Variants in PDSS2 observed in about 807,000 individuals in gnomAD.
PDSS2 encodes the protein all trans-polyprenyl-diphosphate synthase PDSS2.
Under a neutral mutation model 44.5 loss-of-function variants are expected in PDSS2, and 31 were observed. The ratio of observed to expected loss-of-function variants is 0.70; its 90% confidence interval spans 0.52 to 0.94. The LOEUF (loss-of-function observed/expected upper bound fraction) is 0.94, where lower values mean the gene tolerates loss of function less well. Among genes scored for constraint, PDSS2 ranks in the 40% least tolerant of loss-of-function variants. PDSS2 has a pLI of 0.00. For synonymous variants in PDSS2, 157 were observed against 180.3 expected, an observed-to-expected ratio of 0.87 and a Z score of 1.03; for missense variants, 452 against 482.2, an observed-to-expected ratio of 0.94 and a Z score of 0.59.
At chr6:107,221,655 T>C (rs931147512) in intron 4 of PDSS2, among the ~76,000 whole-genome samples, 39 of 152,162 alleles carry the variant, frequency 2.6e-4, no homozygotes, top group Admixed American at 2.3e-3. Flanking sequence ...CTTGAGATAG[T>C]GGTACTGGTG....
chr6:107,264,140 A>G, intron 3 of PDSS2: 1 of 587,846 alleles, frequency 1.7e-6, no homozygotes. Context: ...TCAATTTAAC[A>G]TGAATTTGGA....
chr6:107,402,105 C>A (rs1185337892), intron 1 of PDSS2, among the ~76,000 whole-genome samples: 1 of 151,846 alleles, frequency 6.6e-6, no homozygotes, highest in African/African-American at 2.4e-5. Flanking sequence ...ATGATGAAAC[C>A]CCATCTCTAC....
chr6:107,423,312 AATG>A (rs1173698666), intron 1 of PDSS2, among the ~76,000 whole-genome samples: 5 of 152,220 alleles, frequency 3.3e-5, no homozygotes, highest in Non-Finnish European at 7.4e-5. Context: ...AAATGACAAG[AATG>A]ATAATAATAT....
intron 2 of PDSS2, among the ~76,000 whole-genome samples, chr6:107,329,482 G>A (rs1777647115): frequency 6.6e-6 from 1 of 152,070 alleles, no homozygotes; most frequent in African/African-American, 2.4e-5. Context: ...GTAGATGGCT[G>A]CCTTCAGTTC....
intron 2 of PDSS2, among the ~76,000 whole-genome samples, chr6:107,283,475 C>T (rs1776039821): frequency 6.6e-6 from 1 of 152,038 alleles, no homozygotes; most frequent in Non-Finnish European, 1.5e-5. Context: ...AATTCCAGTA[C>T]TTTGGGAGGC....
chr6:107,442,632 C>T (rs1247427456), intron 1 of PDSS2, among the ~76,000 whole-genome samples: 1 of 152,162 alleles, frequency 6.6e-6, no homozygotes, highest in Non-Finnish European at 1.5e-5. Flanking sequence ...GACATTTCCA[C>T]TTGCTGCAAA....
At chr6:107,377,421 T>C (rs1280423824) in intron 1 of PDSS2, among the ~76,000 whole-genome samples, 8 of 152,134 alleles carry the variant, frequency 5.3e-5, no homozygotes, top group East Asian at 1.9e-4. Context: ...AACAGGAACA[T>C]TTTTACACTG....
intron 1 of PDSS2, among the ~76,000 whole-genome samples, chr6:107,455,898 CAT>C (rs1320392890): frequency 1.3e-5 from 2 of 150,760 alleles, no homozygotes; most frequent in East Asian, 2.0e-4. Context: ...TAAAGATAAA[CAT>C]GTGCACATCC....
chr6:107,255,098 T>A (rs533954554), intron 3 of PDSS2, among the ~76,000 whole-genome samples: 1 of 152,168 alleles, frequency 6.6e-6, no homozygotes, highest in South Asian at 2.1e-4. Flanking sequence ...CTCGAACTCC[T>A]GACTTTGTAT....
intron 2 of PDSS2, among the ~76,000 whole-genome samples, chr6:107,296,683 T>C (rs553692210): frequency 5.3e-5 from 8 of 152,192 alleles, no homozygotes; most frequent in Admixed American, 3.9e-4. Flanking sequence ...GCCAAGATTG[T>C]GCCATTGCAC....
chr6:107,434,178 T>C (rs1177965825), intron 1 of PDSS2, among the ~76,000 whole-genome samples: 1 of 152,146 alleles, frequency 6.6e-6, no homozygotes, highest in Non-Finnish European at 1.5e-5. Flanking sequence ...AGTACAACCA[T>C]TATGGAAAAC....
chr6:107,349,177 A>C (rs1165314033), intron 1 of PDSS2, among the ~76,000 whole-genome samples: 1 of 152,242 alleles, frequency 6.6e-6, no homozygotes, highest in African/African-American at 2.4e-5. Context: ...TCACGCCTGT[A>C]ATTCCAGCGC....
intron 2 of PDSS2, among the ~76,000 whole-genome samples, chr6:107,314,925 ATTAAGTAGCCCT>A (rs1429634818): frequency 1.3e-5 from 2 of 152,266 alleles, no homozygotes; most frequent in Non-Finnish European, 2.9e-5. Context: ...ATGTTACTTA[ATTAAGTAGCCCT>A]ATAAAAACTA....
chr6:107,192,434 A>G (rs78727653), intron 7 of PDSS2: 10,245 of 487,342 alleles, frequency 0.021, 710 homozygotes, highest in African/African-American at 0.17. Context: ...AGGAAAAAAA[A>G]TCCTTAACTG....
intron 6 of PDSS2, among the ~76,000 whole-genome samples, chr6:107,199,707 A>G (rs1472043244): frequency 6.6e-6 from 1 of 152,232 alleles, no homozygotes; most frequent in African/African-American, 2.4e-5. Flanking sequence ...TCAGTGTCTG[A>G]GTGAATGAAT....
chr6:107,233,700 C>G (rs944607114), intron 4 of PDSS2, among the ~76,000 whole-genome samples: 2 of 151,996 alleles, frequency 1.3e-5, no homozygotes, highest in Non-Finnish European at 2.9e-5. Flanking sequence ...GTAGTCCTAG[C>G]TTCTTGGGAG....
chr6:107,156,231 G>C (rs1404379365), intron 7 of PDSS2, among the ~76,000 whole-genome samples: 1 of 127,502 alleles, frequency 7.8e-6, no homozygotes, highest in Non-Finnish European at 1.6e-5. Flanking sequence ...ATGGAGTCTC[G>C]CTCTGTCACC....
chr6:107,332,577 T>C (rs921485299), intron 2 of PDSS2, among the ~76,000 whole-genome samples: 2 of 151,874 alleles, frequency 1.3e-5, no homozygotes, highest in Non-Finnish European at 2.9e-5. Flanking sequence ...GAAATACATA[T>C]ATATTTTGAA....
At chr6:107,292,000 A>G (rs959999751) in intron 2 of PDSS2, among the ~76,000 whole-genome samples, 2 of 152,168 alleles carry the variant, frequency 1.3e-5, no homozygotes, top group African/African-American at 4.8e-5. Flanking sequence ...GCAATTGCTG[A>G]GGGTACTGAG....
Sources: allele counts gnomAD v4.1 joint callset (sites outside exome capture counted in the v4.1 genomes callset), GRCh38; gene constraint gnomAD v4.1.1; transcripts MANE v1.5; gene names NCBI Gene and HGNC (gene_info 2026-07-23, HGNC 2026-07-21).